Variants in NOS3 observed in about 807,000 individuals in gnomAD.
The protein encoded by NOS3 is NOS type III.
In NOS3, 98 loss-of-function variants were observed where a neutral mutation model predicts 144.9. That is an observed-to-expected ratio of 0.68 (90% CI 0.57 to 0.80). NOS3 has a LOEUF of 0.80. Ranked by LOEUF, NOS3 falls within the 30% of genes least tolerant of loss-of-function variation. The pLI is 0.00. For missense variants in NOS3, 1,465 were observed against 1,656.4 expected, an observed-to-expected ratio of 0.88 and a Z score of 2.01; for synonymous variants, 714 against 702.4, an observed-to-expected ratio of 1.02 and a Z score of -0.26.
chr7:150,999,445 C>A, intron 9 of NOS3, 81 bp downstream of exon 9: 1 of 1,421,814 alleles, frequency 7.0e-7, no homozygotes, highest in Non-Finnish European at 9.5e-7. Context: ...CCCAAAATGC[C>A]AGCCACGGGG....
In NOS3 at chr7:151,003,571, A is replaced by G. The variant is rs747523731; in HGVS notation, c.1752+1267A>G. 5.6e-5 allele frequency: 73 copies of G among 1,297,482 alleles called. No individual in the cohort carries two copies. The highest frequency in any genetic ancestry group is 7.1e-5 in the Non-Finnish European group (70 of 982,406). 80.4% of individuals were successfully genotyped at this position (1,297,482 alleles called of 1,614,324 possible). A position where few individuals can be genotyped will look rare whatever the true frequency, so the allele number is the denominator to read the frequency against. On this transcript the variant is annotated intron_variant, in intron 14 of 26. Transcript: ENST00000297494. The surrounding 1 kb of genome is among the most constrained non-coding windows in gnomAD (Gnocchi z 4.1). The stretch of plus-strand genomic sequence containing the variant: ...AGCATAAAGGTGTATAGACACCCAT[A>G]TAACCTACAGCCTTCACAAGGCATA...
rs576321738 is a variant in NOS3, at chr7:151,006,609, G to T, written c.1820+115G>T. ...GCCTCAAGTCGTTTTCCCACCAAAA[G>T]CCAGGGCTCCAGGATGCCCTCCATT... On this transcript the variant is annotated intron_variant, in intron 15 of 26. Transcript: ENST00000297494. 1.5e-5 allele frequency: 14 copies of T among 917,308 alleles called. No homozygotes were observed. The African/African-American group carries it at 1.8e-4, about 12-fold the overall frequency. The allele number at this position is 917,308 out of a possible 1,614,324, so 56.8% of individuals were successfully genotyped here. A position where few individuals can be genotyped will look rare whatever the true frequency, so the allele number is the denominator to read the frequency against.
Position 151,013,352 on chromosome 7 carries a change from C to G in NOS3, c.3228C>G (p.Ala1076=), listed in dbSNP as rs374904296. The change falls in exon 25 of 27, where the codon GCC becomes GCG. Residue 1076 remains alanine, a synonymous_variant. Transcript: ENST00000297494. ...GGGTGTTTGGCCGAGTCCTCACCGC[C>G]TTCTCCCGGGAACCTGACAACCCCA... ...QRGVFGRVLT[A]FSREPDNPKT... 8.1e-6 allele frequency: 13 copies of G among 1,613,586 alleles called. No individual in the cohort carries two copies. The highest frequency in any genetic ancestry group is 1.3e-5 in the African/African-American group (1 of 74,934).
intron 17 of NOS3, among the ~76,000 whole-genome samples, chr7:151,008,540 C>A (rs1795240588): frequency 6.6e-6 from 1 of 152,214 alleles, no homozygotes; most frequent in South Asian, 2.1e-4. Context: ...TTAATCTTCA[C>A]CAGAACACAA....
In NOS3 at chr7:151,000,507, G is replaced by A; in HGVS notation, c.1141G>A (p.Val381Ile). The A allele has an allele frequency of 6.2e-7, 1 of 1,612,006 alleles. No individual in the cohort carries two copies. Among genetic ancestry groups the A allele is most frequent in the Non-Finnish European group, 8.5e-7 (1 of 1,178,464 alleles). ...CACCCTTCTGCCCCAGGATGTGGCT[G>A]TCTGCATGGACCTGGATACCCGGAC... ...HRYNILEDVA[V>I]CMDLDTRTTS... The change falls in exon 10 of 27, where the codon GTC becomes ATC. Residue 381 changes from valine to isoleucine, a missense_variant. Physicochemically the swap from Val to Ile is conservative, Grantham distance 29 (BLOSUM62 3). Around this residue, in one of 5 missense-constraint regions of NOS3, gnomAD observed 745 missense variants for 853.9 expected, o/e 0.87. Coordinates refer to ENST00000297494, the MANE Select transcript of NOS3 (RefSeq NM_000603.5).
At chr7:150,996,347 C>A in intron 3 of NOS3, 57 bp from the exon 4 acceptor site, 4 of 308,172 alleles carry the variant, frequency 1.3e-5, no homozygotes, top group Non-Finnish European at 1.6e-5. Context: ...CTGCCCCCAA[C>A]TCCCATCCCA....
At chr7:151,001,660 G>A (rs761974673) in intron 12 of NOS3, 43 bp downstream of exon 12, 2 of 1,597,374 alleles carry the variant, frequency 1.3e-6, no homozygotes, top group South Asian at 2.2e-5. Context: ...ACACCCTGGG[G>A]GCCCCACTCT....
In NOS3 at chr7:151,002,230, T is replaced by C; in HGVS notation, c.1678T>C (p.Ser560Pro). The C allele has an allele frequency of 6.2e-7, 1 of 1,600,562 alleles. No homozygotes were observed. The change falls in exon 14 of 27, where the codon TCC (serine) becomes CCC (proline). Residue 560 changes from serine to proline, a missense_variant. By Grantham distance (74) the Ser-to-Pro change is moderately conservative. Coordinates refer to ENST00000297494, the MANE Select transcript of NOS3 (RefSeq NM_000603.5). This position sits in a 1 kb window ranked among gnomAD's most constrained non-coding sequence, Gnocchi z 4.1. ...GTGTATGGATGAGTATGACGTGGTG[T>C]CCCTCGAACACGAGACGCTGGTGCT... The part of the protein sequence containing the change: ...VLCMDEYDVV[S>P]LEHETLVLVV...
Position 151,014,346 on chromosome 7 carries a change from C to T in NOS3, c.*177C>T. On this transcript the variant is annotated 3_prime_UTR_variant, in exon 27 of 27. Coordinates refer to ENST00000297494, the MANE Select transcript of NOS3 (RefSeq NM_000603.5). Reference sequence around the variant, plus strand: ...GGAGCAAAACGCCTCTTTTCCCTCTCTAGGCCTGTTGCCTCGGGCCTGGGT... The same window carrying T: ...GGAGCAAAACGCCTCTTTTCCCTCTTTAGGCCTGTTGCCTCGGGCCTGGGT... 1 of 703,760 alleles carries T rather than the reference C, an allele frequency of 1.4e-6. No individual in the cohort carries two copies. The highest frequency in any genetic ancestry group is 2.1e-5 in the South Asian group (1 of 47,682). 43.6% of individuals were successfully genotyped at this position (703,760 alleles called of 1,614,324 possible). A position where few individuals can be genotyped will look rare whatever the true frequency, so the allele number is the denominator to read the frequency against.
chr7:151,000,643 CG>C, intron 10 of NOS3, 44 bp downstream of exon 10: 2 of 1,342,100 alleles, frequency 1.5e-6, no homozygotes, highest in Non-Finnish European at 1.1e-6. Context: ...GGTTTGCATA[CG>C]GGGGCAGCAG....
rs1795126996 is a variant in NOS3 at position 151,002,383 on chromosome 7, A to AAAAC, written c.1752+80_1752+81insAACA. ...AGTGACTGGGCAGGAACCTCTGCCC[A>AAAAC]ACACACACACACACACACACACACA... On this transcript the variant is annotated intron_variant, in intron 14 of 26. Coordinates refer to ENST00000297494, the MANE Select transcript of NOS3 (RefSeq NM_000603.5). This position sits in a 1 kb window ranked among gnomAD's most constrained non-coding sequence, Gnocchi z 4.1. 3.7e-6 allele frequency: 1 copy of AAAAC among 267,444 alleles called. No homozygotes were observed. The highest frequency in any genetic ancestry group is 7.3e-6 in the Non-Finnish European group (1 of 136,290). 16.6% of individuals were successfully genotyped at this position (267,444 alleles called of 1,614,324 possible).
Position 151,014,323 on chromosome 7 carries a change from A to C in NOS3, c.*154A>C. The stretch of plus-strand genomic sequence containing the variant: ...ATTCAGCATTATTCCTCCAGGAAGG[A>C]GCAAAACGCCTCTTTTCCCTCTCTA... On this transcript the variant is annotated 3_prime_UTR_variant, in exon 27 of 27. Transcript: ENST00000297494. 1 of 840,562 alleles carries C rather than the reference A, an allele frequency of 1.2e-6. No individual in the cohort carries two copies. Among genetic ancestry groups the C allele is most frequent in the Non-Finnish European group, 1.8e-6 (1 of 559,612 alleles). The allele number at this position is 840,562 out of a possible 1,614,324, so 52.1% of individuals were successfully genotyped here. A position where few individuals can be genotyped will look rare whatever the true frequency, so the allele number is the denominator to read the frequency against.
rs1171295290 is a variant in NOS3, at chr7:151,010,153, C to G, written c.2551C>G (p.Pro851Ala). The stretch of plus-strand genomic sequence containing the variant: ...CGGCTGGGTGCGGGACCCCCGGCTG[C>G]CCCCGTGCACGCTGCGCCAGGCTCT... ...PPGWVRDPRL[P>A]PCTLRQALTF... The change falls in exon 21 of 27, where the codon CCC becomes GCC. Residue 851 changes from proline to alanine, a missense_variant. Physicochemically the swap from Pro to Ala is conservative, Grantham distance 27. Transcript: ENST00000297494. 18 of 1,609,452 alleles carry G rather than the reference C, an allele frequency of 1.1e-5. No individual in the cohort carries two copies. Among genetic ancestry groups the G allele is most frequent in the Non-Finnish European group, 1.5e-5 (18 of 1,178,274 alleles).
At chr7:150,997,992 G>A (rs547020698) in intron 5 of NOS3, among the ~76,000 whole-genome samples, 3 of 152,304 alleles carry the variant, frequency 2.0e-5, no homozygotes, top group African/African-American at 7.2e-5. Context: ...GTCCTTTCTT[G>A]AATGCCATGG....
intron 17 of NOS3, among the ~76,000 whole-genome samples, chr7:151,008,702 G>A (rs544261233): frequency 6.6e-6 from 1 of 152,298 alleles, no homozygotes; most frequent in Non-Finnish European, 1.5e-5. Context: ...CACCAGATAA[G>A]GAACGATGCA....
Position 151,013,835 on chromosome 7 carries a change from G to A in NOS3, c.3367G>A (p.Val1123Ile), listed in dbSNP as rs1263176130. ...CGGCGATGTTACCATGGCAACCAAC[G>A]TCCTGCAGACCGTGCAGCGCATCCT... ...VCGDVTMATN[V>I]LQTVQRILAT... The change falls in exon 26 of 27, where the codon GTC becomes ATC. Residue 1123 changes from valine (V) to isoleucine (I), a missense_variant. Val to Ile is a conservative substitution (Grantham distance 29). This residue lies in a region of NOS3 where 228 missense variants were observed against 227.7 expected (regional missense o/e 1.00). Coordinates refer to ENST00000297494, the MANE Select transcript of NOS3 (RefSeq NM_000603.5). The A allele has an allele frequency of 1.2e-6, 2 of 1,607,642 alleles. No individual in the cohort carries two copies. The highest frequency in any genetic ancestry group is 2.2e-5 in the South Asian group (2 of 89,920).
chr7:151,009,349 C>A, intron 19 of NOS3, 49 bp from the exon 20 acceptor site: 2 of 729,828 alleles, frequency 2.7e-6, no homozygotes, highest in Non-Finnish European at 2.2e-6. Flanking sequence ...CATTCTCCCG[C>A]CCCCACCCCT....
chr7:151,001,473 A>T (rs1197617679), intron 11 of NOS3, 48 bp downstream of exon 11: 2 of 1,600,480 alleles, frequency 1.2e-6, no homozygotes, highest in Non-Finnish European at 1.7e-6. Flanking sequence ...CTCTAATTCT[A>T]AGCAGCCCCT....
rs1429965757 is a variant in NOS3 at position 150,993,441 on chromosome 7, A to G, written c.-51-312A>G. On this transcript the variant is annotated intron_variant, in intron 1 of 26. Coordinates refer to ENST00000297494, the MANE Select transcript of NOS3 (RefSeq NM_000603.5). The surrounding 1 kb of genome is among the most constrained non-coding windows in gnomAD (Gnocchi z 4.0). ...GCCGAAGGCCCTTCCGTCTGGTGCC[A>G]CATCACAGAAGGACCTTTATGACCC... is the stretch of plus-strand genomic sequence containing the variant. Among the ~76,000 whole-genome samples, 1 of 152,168 alleles carries G rather than the reference A, an allele frequency of 6.6e-6. No homozygotes were observed. Among genetic ancestry groups the G allele is most frequent in the African/African-American group, 2.4e-5 (1 of 41,450 alleles).
Sources: gnomAD v4.1 joint callset for allele counts (sites outside exome capture counted in the v4.1 genomes callset) on GRCh38, gnomAD v4.1.1 for gene constraint, gnomAD v4.1.1 regional missense constraint, Gnocchi (gnomAD v3.1) non-coding constraint, MANE v1.5 for transcripts, NCBI Gene and HGNC (gene_info 2026-07-23, HGNC 2026-07-21) for gene names.